The following LHFPL2 variants were observed in gnomAD, a reference collection of about 807,000 sequenced individuals.
LHFPL2 encodes LHFPL tetraspan subfamily member 2.
Under a neutral mutation model 17.5 loss-of-function variants are expected in LHFPL2, and 7 were observed. That is an observed-to-expected ratio of 0.40 (90% confidence interval 0.23 to 0.75). The LOEUF is 0.75. Among genes scored for constraint, LHFPL2 ranks in the 30% least tolerant of loss-of-function variants. The pLI, the probability that LHFPL2 is intolerant of heterozygous loss-of-function variation, is 0.37. For missense variants in LHFPL2, 241 were observed against 294.8 expected (o/e 0.82, Z 1.34); for synonymous variants, 134 against 116.2 (o/e 1.15, Z -0.99).
intron 4 of LHFPL2, among the ~76,000 whole-genome samples, chr5:78,497,556 C>T (rs1208177965): frequency 6.6e-6 from 1 of 152,200 alleles, no homozygotes; most frequent in African/African-American, 2.4e-5. Context: ...CAAGGTCTGA[C>T]ATGTAACAGG....
chr5:78,566,612 C>A (rs528675534), intron 2 of LHFPL2, among the ~76,000 whole-genome samples: 1 of 152,082 alleles, frequency 6.6e-6, no homozygotes, highest in South Asian at 2.1e-4. Context: ...CATGTGCCAC[C>A]ACCTCCAGCT....
intron 3 of LHFPL2, among the ~76,000 whole-genome samples, chr5:78,520,661 A>G (rs1452493280): frequency 6.7e-6 from 1 of 148,228 alleles, no homozygotes; most frequent in Non-Finnish European, 1.5e-5. Context: ...ACCCGTGGGC[A>G]CTACACAATG....
chr5:78,495,705 CTG>C (rs1162679770), intron 4 of LHFPL2, among the ~76,000 whole-genome samples: 2 of 152,150 alleles, frequency 1.3e-5, no homozygotes, highest in Non-Finnish European at 2.9e-5. Flanking sequence ...CGGAACGTCT[CTG>C]GAGAGAGTTC....
intron 2 of LHFPL2, among the ~76,000 whole-genome samples, chr5:78,594,059 ACT>A (rs1395675955): frequency 1.3e-5 from 2 of 152,218 alleles, no homozygotes; most frequent in Non-Finnish European, 2.9e-5. Context: ...TATTTTATGC[ACT>A]GACAGAGAAA....
intron 3 of LHFPL2, among the ~76,000 whole-genome samples, chr5:78,519,899 T>A (rs1755398686): frequency 6.6e-6 from 1 of 152,234 alleles, no homozygotes; most frequent in Non-Finnish European, 1.5e-5. Flanking sequence ...AATTTCCCCA[T>A]GTAAAAGGAG....
intron 4 of LHFPL2, among the ~76,000 whole-genome samples, chr5:78,489,557 C>A (rs144535168): frequency 0.012 from 1,839 of 152,244 alleles, 17 homozygotes; most frequent in Non-Finnish European, 0.02. Context: ...GCACACACCA[C>A]CACACCTGGC....
At chr5:78,610,019 C>T (rs1288265140) in intron 2 of LHFPL2, among the ~76,000 whole-genome samples, 2 of 152,154 alleles carry the variant, frequency 1.3e-5, no homozygotes, top group Non-Finnish European at 2.9e-5. Flanking sequence ...CCTACCTAAA[C>T]CTGCCGGGGG....
At chr5:78,562,880 T>A (rs1162364862) in intron 3 of LHFPL2, among the ~76,000 whole-genome samples, 1 of 152,154 alleles carries the variant, frequency 6.6e-6, no homozygotes, top group Non-Finnish European at 1.5e-5. Flanking sequence ...TGAAATTGGC[T>A]TTTCCCCAGA....
intron 3 of LHFPL2, among the ~76,000 whole-genome samples, chr5:78,539,713 G>C (rs1040175933): frequency 8.6e-5 from 13 of 152,006 alleles, no homozygotes; most frequent in African/African-American, 3.1e-4. Flanking sequence ...ATCAGCATCT[G>C]AGTTGGTGGG....
At chr5:78,644,419 C>G in intron 1 of LHFPL2, 2 of 719,256 alleles carry the variant, frequency 2.8e-6, no homozygotes, top group Non-Finnish European at 4.8e-6. Flanking sequence ...ACAGCCTTTT[C>G]ATAAGGCTGC....
At chr5:78,498,554 C>T (rs1055286012) in intron 4 of LHFPL2, among the ~76,000 whole-genome samples, 1 of 152,172 alleles carries the variant, frequency 6.6e-6, no homozygotes, top group African/African-American at 2.4e-5. Context: ...AACTGTCAGA[C>T]AGTCTGAAGA....
At chr5:78,495,484 ACCACACTC>A (rs1754576850) in intron 4 of LHFPL2, among the ~76,000 whole-genome samples, 1 of 152,180 alleles carries the variant, frequency 6.6e-6, no homozygotes, top group South Asian at 2.1e-4. Flanking sequence ...GTCTTTAGAC[ACCACACTC>A]CCACTTCCCC....
intron 2 of LHFPL2, among the ~76,000 whole-genome samples, chr5:78,593,956 C>T (rs780211379): frequency 2.0e-5 from 3 of 152,174 alleles, no homozygotes; most frequent in Non-Finnish European, 2.9e-5. Context: ...GTAACACACA[C>T]AAAAATAGCA....
chr5:78,558,979 T>C (rs916394808), intron 3 of LHFPL2, among the ~76,000 whole-genome samples: 1 of 152,212 alleles, frequency 6.6e-6, no homozygotes, highest in East Asian at 1.9e-4. Context: ...AGAGCTGCCC[T>C]GTTCCTGTCC....
At chr5:78,610,840 A>G (rs1580856161) in intron 2 of LHFPL2, among the ~76,000 whole-genome samples, 1 of 152,032 alleles carries the variant, frequency 6.6e-6, no homozygotes, top group Admixed American at 6.5e-5. Flanking sequence ...AAATGGCCAC[A>G]TGCATGGACT....
At chr5:78,577,820 C>A (rs1269205686) in intron 2 of LHFPL2, among the ~76,000 whole-genome samples, 2 of 151,382 alleles carry the variant, frequency 1.3e-5, no homozygotes, top group Non-Finnish European at 2.9e-5. Context: ...TTTTTAGACT[C>A]CCCTAAGCAA....
intron 3 of LHFPL2, among the ~76,000 whole-genome samples, chr5:78,514,892 C>T (rs1374017401): frequency 2.0e-5 from 3 of 152,348 alleles, no homozygotes; most frequent in East Asian, 3.9e-4. Flanking sequence ...TGATCACCCA[C>T]ATACCCAACA....
intron 2 of LHFPL2, 129 bp from the exon 3 acceptor site, chr5:78,565,000 C>T (rs893352644): frequency 3.3e-5 from 5 of 152,222 alleles, no homozygotes; most frequent in South Asian, 4.1e-4. Context: ...CAGCACACAG[C>T]TCAACTTGCA....
rs569333365 is a variant in LHFPL2 at position 78,582,518 on chromosome 5, T to C, written c.-244-17647A>G. Among the ~76,000 whole-genome samples, 112 of 151,744 alleles carry C rather than the reference T, an allele frequency of 7.4e-4. 1 individual carries two copies. The highest frequency in any genetic ancestry group is 6.8e-3 in the Middle Eastern group (2 of 294). On this transcript the variant is annotated intron_variant, in intron 2 of 4. Coordinates refer to ENST00000380345, the MANE Select transcript of LHFPL2 (RefSeq NM_005779.3). ...TCTCGTTGGTTTCAAAGAACATCTT[T>C]ATTTGTGCCTTCATTTCGTTATGTA...
Sources: allele counts gnomAD v4.1 joint callset (sites outside exome capture counted in the v4.1 genomes callset), GRCh38; gene constraint gnomAD v4.1.1; transcripts MANE v1.5; gene names NCBI Gene and HGNC (gene_info 2026-07-23, HGNC 2026-07-21).